The following TMED6 variants were observed in gnomAD, a reference collection of about 807,000 sequenced individuals.
TMED6 encodes the protein transmembrane emp24 domain-containing protein 6.
TMED6 carries 17 observed loss-of-function variants against 26.5 expected under a neutral mutation model. The observed-to-expected ratio is 0.64, with a 90% CI of 0.44 to 0.96. TMED6 has a LOEUF of 0.96. TMED6 is among the 40% of genes least tolerant of loss of function. TMED6 has a pLI of 0.00. For missense variants in TMED6, 309 were observed against 296.5 expected, an observed-to-expected ratio of 1.04 and a Z score of -0.31; for synonymous variants, 107 against 106.2, an observed-to-expected ratio of 1.01 and a Z score of -0.04.
intron 2 of TMED6, chr16:69,348,437 TG>T (rs2012721352): frequency 2.1e-5 from 1 of 48,378 alleles, no homozygotes; most frequent in Non-Finnish European, 3.7e-5. Context: ...CTGTTGGGGC[TG>T]GGGTTGCCTC....
At position 69,351,720 on chromosome 16, in the gene TMED6, C is replaced by A; in HGVS notation, c.34G>T (p.Val12Phe). The A allele has an allele frequency of 1.2e-6, 2 of 1,613,500 alleles. No individual in the cohort carries two copies. The highest frequency in any genetic ancestry group is 1.7e-6 in the Non-Finnish European group (2 of 1,179,998). ...CTGGCAGACGTCACTAGATTCAGAA[C>A]GACCAGCCCAGCCCCAAAGAGCAAA... ...SPLLFGAGLV[V>F]LNLVTSARSQ... The change falls in exon 1 of 4, where the codon GTT becomes TTT. Residue 12 changes from valine to phenylalanine, a missense_variant. Val to Phe is a conservative substitution (Grantham distance 50). Transcript: ENST00000288025.
intron 2 of TMED6, among the ~76,000 whole-genome samples, chr16:69,349,187 G>C (rs953657356): frequency 3.3e-5 from 5 of 152,212 alleles, no homozygotes; most frequent in South Asian, 4.1e-4. Flanking sequence ...GGAAAGACAT[G>C]CTTCCCTGTA....
Position 69,343,398 on chromosome 16 carries a change from C to G in TMED6, c.*9G>C. Reference sequence around the variant, plus strand: ...AAGAAAACAGCCAGGGTGCTATAGTCACCTTAGCTTAGCATCTTGGCTTCT... The same window carrying G: ...AAGAAAACAGCCAGGGTGCTATAGTGACCTTAGCTTAGCATCTTGGCTTCT... On this transcript the variant is annotated 3_prime_UTR_variant, in exon 4 of 4. Transcript: ENST00000288025. The G allele has an allele frequency of 6.2e-7, 1 of 1,611,608 alleles. No individual in the cohort carries two copies. Among genetic ancestry groups the G allele is most frequent in the South Asian group, 1.1e-5 (1 of 90,950 alleles).
intron 3 of TMED6, among the ~76,000 whole-genome samples, chr16:69,345,742 A>C (rs2142679927): frequency 6.7e-6 from 1 of 149,288 alleles, no homozygotes; most frequent in South Asian, 2.2e-4. Context: ...TTTTTGAGAT[A>C]GGGTCTCACT....
chr16:69,351,452 C>T, intron 1 of TMED6, 89 bp downstream of exon 1: 1 of 1,254,100 alleles, frequency 8.0e-7, no homozygotes, highest in African/African-American at 1.5e-5. Flanking sequence ...ATAAAGACAA[C>T]CAGACCTTGT....
rs540667534 is a variant in TMED6, at chr16:69,348,774, C to G, written c.340+751G>C. Among the ~76,000 whole-genome samples, 450 of 152,246 alleles carry G rather than the reference C, an allele frequency of 3.0e-3. 20 individuals are homozygous for G. The South Asian group carries it at 0.089, about 30-fold the overall frequency. ...GGATTACAGGCGCCTGCCACCACAC[C>G]CAGCTAATTTTTGTATTTTTAGTAG... On this transcript the variant is annotated intron_variant, in intron 2 of 3. Coordinates refer to ENST00000288025, the MANE Select transcript of TMED6 (RefSeq NM_144676.4).
chr16:69,349,875 G>A (rs1183677737), intron 1 of TMED6, among the ~76,000 whole-genome samples: 2 of 152,172 alleles, frequency 1.3e-5, no homozygotes, highest in African/African-American at 4.8e-5. Flanking sequence ...TGCAATGTAA[G>A]AAACAGTACA....
At chr16:69,345,688 A>AG (rs2142679800) in intron 3 of TMED6, among the ~76,000 whole-genome samples, 1 of 147,980 alleles carries the variant, frequency 6.8e-6, no homozygotes, top group South Asian at 2.1e-4. Flanking sequence ...CAAAAAAAAA[A>AG]AAAAAAAAAA....
Position 69,351,662 on chromosome 16 carries a change from C to T in TMED6, c.92G>A (p.Gly31Glu), listed in dbSNP as rs780810293. ...AGCTCCACGGAAGAGTGGCTGGTCC[C>T]CAGAGCCACTTAGAGGTTCTGTCTT... ...SQKTEPLSGS[G>E]DQPLFRGADR... Residue 31 changes from glycine (G) to glutamate (E), a missense_variant, in exon 1 of 4, where the codon GGG (glycine) becomes GAG (glutamate). Physicochemically the swap from Gly to Glu is moderately conservative, Grantham distance 98. Coordinates refer to ENST00000288025, the MANE Select transcript of TMED6 (RefSeq NM_144676.4). 6.2e-7 allele frequency: 1 copy of T among 1,613,952 alleles called. No individual in the cohort carries two copies. The highest frequency in any genetic ancestry group is 8.5e-7 in the Non-Finnish European group (1 of 1,180,016).
At chr16:69,350,010 G>A (rs529826645) in intron 1 of TMED6, among the ~76,000 whole-genome samples, 16 of 152,202 alleles carry the variant, frequency 1.1e-4, no homozygotes, top group South Asian at 6.2e-4. Context: ...GGTGGCTCAC[G>A]CCTGTAATCC....
chr16:69,345,014 G>A (rs945869034), intron 3 of TMED6, among the ~76,000 whole-genome samples: 2 of 152,188 alleles, frequency 1.3e-5, no homozygotes, highest in African/African-American at 2.4e-5. Context: ...ACTTGAACCC[G>A]GGAGGCGGAG....
intron 3 of TMED6, among the ~76,000 whole-genome samples, chr16:69,344,590 T>A (rs1400510879): frequency 6.6e-6 from 1 of 151,408 alleles, no homozygotes; most frequent in Non-Finnish European, 1.5e-5. Flanking sequence ...CTGGCCAACA[T>A]GGTGAAACAC....
intron 3 of TMED6, 100 bp from the exon 4 acceptor site, chr16:69,343,740 C>T: frequency 1.1e-6 from 1 of 896,996 alleles, no homozygotes. Flanking sequence ...AATAATTTAC[C>T]CATATGATTT....
chr16:69,344,989 T>C (rs1361619332), intron 3 of TMED6, among the ~76,000 whole-genome samples: 1 of 152,078 alleles, frequency 6.6e-6, no homozygotes, highest in Non-Finnish European at 1.5e-5. Context: ...CTTGGGAGAC[T>C]GAAGCATAAG....
intron 1 of TMED6, among the ~76,000 whole-genome samples, chr16:69,350,520 G>A (rs933787624): frequency 2.0e-5 from 3 of 151,950 alleles, no homozygotes; most frequent in Admixed American, 6.6e-5. Context: ...AGGTGGTCTC[G>A]AACTCCTGAC....
chr16:69,350,073 C>T (rs2012751153), intron 1 of TMED6, among the ~76,000 whole-genome samples: 1 of 151,946 alleles, frequency 6.6e-6, no homozygotes, highest in Non-Finnish European at 1.5e-5. Context: ...AGTTCGAGAC[C>T]AGCCTGGCTA....
Position 69,343,440 on chromosome 16 carries a change from T to C in TMED6, c.690A>G (p.Pro230=). Residue 230 remains proline (P), a synonymous_variant, in exon 4 of 4, where the codon CCA becomes CCG. Transcript: ENST00000288025. ...TTGGCTTCTTTGTATCTGTAGTTGT[T>C]GGAACATTGAAGAGACGCTTCAAGA... ...LYFLKRLFNV[P]TTTDTKKPRC 6.2e-7 allele frequency: 1 copy of C among 1,614,192 alleles called. No homozygotes were observed. Among genetic ancestry groups the C allele is most frequent in the Non-Finnish European group, 8.5e-7 (1 of 1,180,034 alleles).
Position 69,349,569 on chromosome 16 carries a change from G to A in TMED6, c.296C>T (p.Ser99Phe). The A allele has an allele frequency of 1.9e-6, 3 of 1,614,010 alleles. No homozygotes were observed. The highest frequency in any genetic ancestry group is 1.7e-4 in the Middle Eastern group (1 of 6,036). Residue 99 changes from serine to phenylalanine, a missense_variant, in exon 2 of 4, where the codon TCC becomes TTC. Transcript: ENST00000288025. ...GTTAATCTGGCCCCGAACACCCTGG[G>A]AGGTGTCTATGAGAAATCCCTGTGG... ...HNPQGFLIDT[S>F]QGVRGQINFS... is the part of the protein sequence containing the mutation.
chr16:69,351,576 C>T lies in TMED6; in HGVS notation c.178G>A (p.Ala60Thr). 6.2e-7 allele frequency: 1 copy of T among 1,614,086 alleles called. No individual in the cohort carries two copies. Reference sequence around the variant, plus strand: ...AAATAGAAGTATCCAGTCTGGTGGGCAAATTGCCAAAAGCATTCCGTGCCT... The same window carrying T: ...AAATAGAAGTATCCAGTCTGGTGGGTAAATTGCCAAAAGCATTCCGTGCCT... Reference protein sequence around the residue: ...PGGTECFWQFAHQTGYFYFSY... With the variant: ...PGGTECFWQFTHQTGYFYFSY... Residue 60 changes from alanine (A) to threonine (T), a missense_variant, in exon 1 of 4, where the codon GCC becomes ACC. Physicochemically the swap from Ala to Thr is moderately conservative, Grantham distance 58. Coordinates refer to ENST00000288025, the MANE Select transcript of TMED6 (RefSeq NM_144676.4).
Sources: gnomAD v4.1 joint callset for allele counts (sites outside exome capture counted in the v4.1 genomes callset) on GRCh38, gnomAD v4.1.1 for gene constraint, MANE v1.5 for transcripts, NCBI Gene and HGNC (gene_info 2026-07-23, HGNC 2026-07-21) for gene names.